Variants in LRRC7 observed in about 807,000 individuals in gnomAD.
LRRC7 encodes leucine-rich repeat-containing protein 7.
A neutral mutation model predicts 175.7 loss-of-function variants in LRRC7; 23 were observed. The observed-to-expected ratio is 0.13, with a 90% CI of 0.09 to 0.19. The LOEUF (loss-of-function observed/expected upper bound fraction) is 0.19. Among genes scored for constraint, LRRC7 ranks in the 10% least tolerant of loss-of-function variants. The probability of loss-of-function intolerance (pLI) is 1.00; values close to 1 mark genes in which losing one functional copy is unlikely to be tolerated. For synonymous variants in LRRC7, 685 were observed against 680.9 expected (o/e 1.01, Z -0.09); for missense variants, 1,354 against 1,904.7 (o/e 0.71, Z 5.38).
Position 70,044,207 on chromosome 1 carries a change from G to A in LRRC7, c.4110+113G>A. 4 of 1,099,106 alleles carry A rather than the reference G, an allele frequency of 3.6e-6. No homozygotes were observed. The South Asian group carries it at 7.6e-5, about 21-fold the overall frequency. The allele number at this position is 1,099,106 out of a possible 1,614,324, so 68.1% of individuals were successfully genotyped here. On this transcript the variant is annotated intron_variant, in intron 22 of 26. Coordinates refer to ENST00000651989, the MANE Select transcript of LRRC7 (RefSeq NM_001370785.2). ...CCCTGCTTACTATAGGCTCCTATGAGTCCAAAAAGCACAAGGGCAAGTAAT... is the reference window on the plus strand; with the variant it reads ...CCCTGCTTACTATAGGCTCCTATGAATCCAAAAAGCACAAGGGCAAGTAAT...
Position 69,917,675 on chromosome 1 carries a change from A to G in LRRC7, c.648-13832A>G, listed in dbSNP as rs371835400. Among the ~76,000 whole-genome samples, 3 of 152,144 alleles carry G rather than the reference A, an allele frequency of 2.0e-5. No homozygotes were observed. The South Asian group carries it at 6.2e-4, about 31-fold the overall frequency. On this transcript the variant is annotated intron_variant, in intron 7 of 26. Transcript: ENST00000651989. ...CCCACAACAAACAATTATCTCATAC[A>G]AAATGTCAGTTGTGCCAAGGTTGAC...
chr1:69,831,057 A>G (rs1278951943), intron 5 of LRRC7, among the ~76,000 whole-genome samples: 1 of 151,944 alleles, frequency 6.6e-6, no homozygotes, highest in Non-Finnish European at 1.5e-5. Flanking sequence ...GTACAATATC[A>G]TTTATTACAT....
At chr1:69,928,800 G>T (rs1346082554) in intron 7 of LRRC7, among the ~76,000 whole-genome samples, 1 of 152,202 alleles carries the variant, frequency 6.6e-6, no homozygotes, top group African/African-American at 2.4e-5. Context: ...CTCGTGCACA[G>T]TGCGCTGCGC....
At chr1:69,750,444 A>G (rs1669740824) in intron 2 of LRRC7, among the ~76,000 whole-genome samples, 1 of 152,210 alleles carries the variant, frequency 6.6e-6, no homozygotes, top group African/African-American at 2.4e-5. Flanking sequence ...AATATGTACA[A>G]CCATATGTAT....
intron 1 of LRRC7, among the ~76,000 whole-genome samples, chr1:69,633,808 C>T (rs1202479867): frequency 6.6e-6 from 1 of 152,100 alleles, no homozygotes; most frequent in Non-Finnish European, 1.5e-5. Context: ...TAGGGCCTGC[C>T]ATGGGGCTAG....
chr1:69,710,129 T>A (rs1013595008), intron 2 of LRRC7, among the ~76,000 whole-genome samples: 3 of 151,398 alleles, frequency 2.0e-5, no homozygotes, highest in African/African-American at 4.8e-5. Flanking sequence ...TACAAAAAAA[T>A]TAGCCAGGTG....
intron 14 of LRRC7, among the ~76,000 whole-genome samples, chr1:70,017,698 A>C (rs1657086362): frequency 6.6e-6 from 1 of 152,190 alleles, no homozygotes. Context: ...TAAAATCTAA[A>C]TATAAGAATA....
At chr1:69,983,123 T>C (rs1653602142) in intron 9 of LRRC7, among the ~76,000 whole-genome samples, 2 of 152,220 alleles carry the variant, frequency 1.3e-5, no homozygotes, top group African/African-American at 4.8e-5. Flanking sequence ...GGTAACATGA[T>C]AGTTCCTTGG....
intron 7 of LRRC7, among the ~76,000 whole-genome samples, chr1:69,924,235 A>G (rs527522513): frequency 0.029 from 4,371 of 152,018 alleles, 205 homozygotes; most frequent in African/African-American, 0.1. Flanking sequence ...GTCAGGTAGC[A>G]TGATGCCTCC....
chr1:69,740,083 A>T (rs763627309), intron 2 of LRRC7, among the ~76,000 whole-genome samples: 2 of 152,092 alleles, frequency 1.3e-5, no homozygotes, highest in African/African-American at 2.4e-5. Context: ...TCAGTTTTCT[A>T]AATAGAAGGA....
At chr1:69,675,549 G>C (rs1453940366) in intron 1 of LRRC7, among the ~76,000 whole-genome samples, 3 of 152,106 alleles carry the variant, frequency 2.0e-5, no homozygotes, top group Non-Finnish European at 4.4e-5. Context: ...TGCATGTGCA[G>C]GTTCTGTTTG....
At chr1:69,701,673 T>C (rs1663376370) in intron 2 of LRRC7, among the ~76,000 whole-genome samples, 1 of 152,220 alleles carries the variant, frequency 6.6e-6, no homozygotes, top group Non-Finnish European at 1.5e-5. Context: ...TGTTTTTATA[T>C]GTGGAATATG....
intron 7 of LRRC7, among the ~76,000 whole-genome samples, chr1:69,888,892 G>C (rs1295577539): frequency 6.6e-6 from 1 of 152,278 alleles, no homozygotes; most frequent in Non-Finnish European, 1.5e-5. Flanking sequence ...AATATGCTAA[G>C]AGAGTGGATC....
chr1:69,997,309 A>G (rs1349039422), intron 11 of LRRC7, among the ~76,000 whole-genome samples: 1 of 152,092 alleles, frequency 6.6e-6, no homozygotes, highest in Non-Finnish European at 1.5e-5. Context: ...GGCTGAGACA[A>G]TGGGGTTTTC....
In LRRC7 at chr1:69,826,938, T is replaced by A. The variant is rs149869371; in HGVS notation, c.500+1112T>A. 5.2e-4 allele frequency among the ~76,000 whole-genome samples: 79 copies of A among 152,168 alleles called. 2 individuals carry two copies. In the East Asian group the frequency reaches 0.013, roughly 26 times the overall value. On this transcript the variant is annotated intron_variant, in intron 5 of 26. Coordinates refer to ENST00000651989, the MANE Select transcript of LRRC7 (RefSeq NM_001370785.2). ...GAGGAGTGAAATAGATGTAAAAGAA[T>A]GAGATCGAAGTTTAGATGGAGATCT...
chr1:69,673,256 T>C (rs1231861794), intron 1 of LRRC7, among the ~76,000 whole-genome samples: 1 of 152,224 alleles, frequency 6.6e-6, no homozygotes, highest in Non-Finnish European at 1.5e-5. Context: ...ATTTTGAGAC[T>C]CTAGCCAAAT....
At chr1:69,989,718 A>G (rs558709229) in intron 10 of LRRC7, among the ~76,000 whole-genome samples, 4 of 152,294 alleles carry the variant, frequency 2.6e-5, no homozygotes, top group Non-Finnish European at 5.9e-5. Flanking sequence ...AAGAGGAACT[A>G]TTCAAAGAGA....
At chr1:69,889,411 A>T (rs1217073322) in intron 7 of LRRC7, among the ~76,000 whole-genome samples, 2 of 152,204 alleles carry the variant, frequency 1.3e-5, no homozygotes, top group Non-Finnish European at 2.9e-5. Context: ...CCTCTCAAAC[A>T]TTTGTGGCTA....
intron 2 of LRRC7, among the ~76,000 whole-genome samples, chr1:69,740,561 G>A (rs139846685): frequency 7.9e-5 from 12 of 152,140 alleles, no homozygotes; most frequent in African/African-American, 2.4e-4. Flanking sequence ...GAAGATTTAC[G>A]GACAGCAAAA....
Sources: allele counts gnomAD v4.1 joint callset (sites outside exome capture counted in the v4.1 genomes callset), GRCh38; gene constraint gnomAD v4.1.1; transcripts MANE v1.5; gene names NCBI Gene and HGNC (gene_info 2026-07-23, HGNC 2026-07-21).